Variants in JAKMIP3 observed in about 807,000 individuals in gnomAD.
The protein encoded by JAKMIP3 is Janus kinase and microtubule interacting protein 3.
In JAKMIP3, 58 loss-of-function variants were observed where a neutral mutation model predicts 118.5. The observed-to-expected ratio is 0.49, with a 90% CI of 0.40 to 0.61. The LOEUF is 0.61. Among genes scored for constraint, JAKMIP3 ranks in the 20% least tolerant of loss-of-function variants. JAKMIP3 has a pLI of 0.00. For synonymous variants in JAKMIP3, 486 were observed against 451.2 expected (o/e 1.08, Z -0.98); for missense variants, 950 against 1,109.0 (o/e 0.86, Z 2.04).
chr10:132,141,800 AC>A lies in JAKMIP3; in HGVS notation c.1474-113del, dbSNP rs558734668. On this transcript the variant is annotated intron_variant, in intron 10 of 23. Transcript: ENST00000684848. ...TCCCCTCCCTCATGCTGCTAGAGAG[AC>A]CCCCCCATACACCATTTGATATCTG... The A allele has an allele frequency of 6.5e-3, 7,356 of 1,140,392 alleles. 39 individuals carry two copies. The highest frequency in any genetic ancestry group is 8.0e-3 in the Non-Finnish European group (6,529 of 816,358). The allele number at this position is 1,140,392 out of a possible 1,614,324, so 70.6% of individuals were successfully genotyped here.
At position 132,117,691 on chromosome 10, in the gene JAKMIP3, A is replaced by G; in HGVS notation, c.633+117A>G. 1 of 1,157,382 alleles carries G rather than the reference A, an allele frequency of 8.6e-7. No homozygotes were observed. The highest frequency in any genetic ancestry group is 3.2e-5 in the South Asian group (1 of 31,558). The allele number at this position is 1,157,382 out of a possible 1,614,324, so 71.7% of individuals were successfully genotyped here. The stretch of plus-strand genomic sequence containing the variant: ...TGGGCTCGGGGAGCACGCGGGCAGC[A>G]CCGGCTTCACCCCCCATGACATTCT... On this transcript the variant is annotated intron_variant, in intron 3 of 23. Coordinates refer to ENST00000684848, the MANE Select transcript of JAKMIP3 (RefSeq NM_001323087.2). The surrounding 1 kb of genome is among the most constrained non-coding windows in gnomAD (Gnocchi z 8.6).
intron 23 of JAKMIP3, among the ~76,000 whole-genome samples, chr10:132,180,598 C>CGTGCGTGT (rs2060835343): frequency 1.4e-4 from 1 of 7,370 alleles, no homozygotes; most frequent in Non-Finnish European, 2.7e-4. Context: ...TGTGTGTGTG[C>CGTGCGTGT]GTGCGCGTGT....
intron 1 of JAKMIP3, among the ~76,000 whole-genome samples, chr10:132,048,996 T>C (rs4880312): frequency 0.59 from 90,005 of 151,764 alleles, 27,392 homozygotes; most frequent in East Asian, 0.81. Context: ...GAGCTTTTTT[T>C]TTTTCTTTTT....
chr10:132,167,849 G>GCCCCTCA (rs1426331763), intron 22 of JAKMIP3, 104 bp from the exon 23 acceptor site: 4 of 387,720 alleles, frequency 1.0e-5, no homozygotes, highest in African/African-American at 3.1e-5. Flanking sequence ...CTCGCCCCTC[G>GCCCCTCA]CCCCTCACCC....
intron 23 of JAKMIP3, among the ~76,000 whole-genome samples, chr10:132,175,173 C>T (rs2060033803): frequency 6.6e-6 from 1 of 152,132 alleles, no homozygotes; most frequent in Admixed American, 6.6e-5. Context: ...ACTAAGAAAA[C>T]CTTGCCTAAC....
At chr10:132,079,158 C>CTGGGAG (rs142242799) in intron 1 of JAKMIP3, among the ~76,000 whole-genome samples, 5 of 150,310 alleles carry the variant, frequency 3.3e-5, no homozygotes, top group South Asian at 2.1e-4. Flanking sequence ...AGCGGACGGC[C>CTGGGAG]CAGCCCCACA....
rs1052342040 is a variant in JAKMIP3, at chr10:132,117,991, A to G, written c.633+417A>G. Among the ~76,000 whole-genome samples, 1 of 152,144 alleles carries G rather than the reference A, an allele frequency of 6.6e-6. No individual in the cohort carries two copies. The highest frequency in any genetic ancestry group is 1.5e-5 in the Non-Finnish European group (1 of 68,024). ...CACCAGGCAGGGCTCAGTGTTTCGC[A>G]GCAGGAGTCCCACACATCCTCACGG... On this transcript the variant is annotated intron_variant, in intron 3 of 23. Transcript: ENST00000684848. The surrounding 1 kb of genome is among the most constrained non-coding windows in gnomAD (Gnocchi z 8.6).
At chr10:132,098,004 C>CCTTCCCTTTCCT (rs2044256221) in intron 1 of JAKMIP3, among the ~76,000 whole-genome samples, 2 of 49,218 alleles carry the variant, frequency 4.1e-5, no homozygotes. Flanking sequence ...TCCCCTTCCC[C>CCTTCCCTTTCCT]TCCTTCCTTT....
chr10:132,069,257 G>A (rs2039432267), intron 1 of JAKMIP3, among the ~76,000 whole-genome samples: 1 of 152,140 alleles, frequency 6.6e-6, no homozygotes, highest in African/African-American at 2.4e-5. Flanking sequence ...AGCCAGGGGT[G>A]GGAGGCCAGG....
chr10:132,140,395 G>A (rs1275562975), intron 9 of JAKMIP3, 56 bp from the exon 10 acceptor site: 4 of 1,607,016 alleles, frequency 2.5e-6, no homozygotes, highest in South Asian at 1.1e-5. Context: ...GGCGGCGGGA[G>A]GAGGCGGCTG....
intron 17 of JAKMIP3, 75 bp downstream of exon 17, chr10:132,153,098 G>A (rs2056515343): frequency 1.6e-6 from 2 of 1,258,514 alleles, no homozygotes; most frequent in African/African-American, 1.5e-5. Context: ...CTCAGAGGTG[G>A]TGATCTCGGG....
At chr10:132,147,559 C>T (rs1391851566) in intron 13 of JAKMIP3, among the ~76,000 whole-genome samples, 1 of 152,258 alleles carries the variant, frequency 6.6e-6, no homozygotes, top group African/African-American at 2.4e-5. Context: ...TCCACGGCCT[C>T]CCTTCCTCAT....
Position 132,141,864 on chromosome 10 carries a change from G to A in JAKMIP3, c.1474-56G>A, listed in dbSNP as rs957458913. 6 of 1,555,510 alleles carry A rather than the reference G, an allele frequency of 3.9e-6. No individual in the cohort carries two copies. The African/African-American group carries it at 8.2e-5, about 21-fold the overall frequency. ...GCCCCGGGGCCCCGCCATCGGAGGAGGTGCTGGCTACTGACACTGTGTCTC... is the reference window on the plus strand; with the variant it reads ...GCCCCGGGGCCCCGCCATCGGAGGAAGTGCTGGCTACTGACACTGTGTCTC... On this transcript the variant is annotated intron_variant, in intron 10 of 23. Coordinates refer to ENST00000684848, the MANE Select transcript of JAKMIP3 (RefSeq NM_001323087.2).
At chr10:132,134,998 C>T (rs1408370073) in intron 4 of JAKMIP3, 43 bp from the exon 5 acceptor site, 3 of 1,601,276 alleles carry the variant, frequency 1.9e-6, no homozygotes, top group African/African-American at 1.3e-5. Context: ...GCTTCCCAGG[C>T]TTGTGGGTAG....
Position 132,104,672 on chromosome 10 carries a change from G to A in JAKMIP3, c.-137G>A. 2.3e-5 allele frequency: 20 copies of A among 860,964 alleles called. No homozygotes were observed. Among genetic ancestry groups the A allele is most frequent in the Non-Finnish European group, 3.4e-5 (19 of 556,290 alleles). 53.3% of individuals were successfully genotyped at this position (860,964 alleles called of 1,614,324 possible). Reference sequence around the variant, plus strand: ...CACCGCGGTGTGCTTTCCCCTCCAGGTGAATGAGAAGATGTAGTGTGACAG... The same window carrying A: ...CACCGCGGTGTGCTTTCCCCTCCAGATGAATGAGAAGATGTAGTGTGACAG... On this transcript the variant is annotated splice_region_variant and 5_prime_UTR_variant, in exon 2 of 24. The change creates a new upstream start codon in the 5' untranslated region. Coordinates refer to ENST00000684848, the MANE Select transcript of JAKMIP3 (RefSeq NM_001323087.2).
At chr10:132,135,189 TG>T in intron 5 of JAKMIP3, 29 bp downstream of exon 5, 3 of 1,576,816 alleles carry the variant, frequency 1.9e-6, no homozygotes, top group Non-Finnish European at 1.7e-6. Flanking sequence ...TTCTGGCTCC[TG>T]GGGGTTTGTG....
upstream of JAKMIP3, among the ~76,000 whole-genome samples, chr10:132,062,338 C>T (rs1334617302): frequency 2.0e-5 from 3 of 152,172 alleles, no homozygotes; most frequent in African/African-American, 7.2e-5. Flanking sequence ...GTCCCTCAGC[C>T]CTGCCACCTC....
intron 11 of JAKMIP3, among the ~76,000 whole-genome samples, chr10:132,142,479 C>CCCCGG (rs1218495172): frequency 2.2e-5 from 3 of 139,158 alleles, no homozygotes; most frequent in African/African-American, 8.8e-5. Flanking sequence ...GCTGTGCCTG[C>CCCCGG]CCCGGCCCCG....
At chr10:132,061,245 C>T (rs1444141875), upstream of JAKMIP3, among the ~76,000 whole-genome samples, 1 of 139,424 alleles carries the variant, frequency 7.2e-6, no homozygotes, top group African/African-American at 2.5e-5. Flanking sequence ...CGTGACGGCG[C>T]ACACACACAC....
Sources: gnomAD v4.1 joint callset for allele counts (sites outside exome capture counted in the v4.1 genomes callset) on GRCh38, gnomAD v4.1.1 for gene constraint, Gnocchi (gnomAD v3.1) non-coding constraint, MANE v1.5 for transcripts, NCBI Gene and HGNC (gene_info 2026-07-23, HGNC 2026-07-21) for gene names.